CMSS1: variants seen among roughly 807,000 people sequenced by gnomAD.
CMSS1 encodes the protein cms1 ribosomal small subunit homolog.
A neutral mutation model predicts 43.5 loss-of-function variants in CMSS1; 33 were observed. The ratio of observed to expected loss-of-function variants is 0.76; its 90% confidence interval spans 0.57 to 1.01. The LOEUF (loss-of-function observed/expected upper bound fraction) is 1.01, where lower values mean the gene tolerates loss of function less well. Ranked by LOEUF, CMSS1 falls within the 50% of genes least tolerant of loss-of-function variation. The pLI, the probability that CMSS1 is intolerant of heterozygous loss-of-function variation, is 0.00. For synonymous variants in CMSS1, 115 were observed against 117.2 expected (o/e 0.98, Z 0.12); for missense variants, 313 against 326.4 (o/e 0.96, Z 0.32).
chr3:99,968,945 A>G (rs1708733669), intron 1 of CMSS1, among the ~76,000 whole-genome samples: 1 of 143,274 alleles, frequency 7.0e-6, no homozygotes. Flanking sequence ...TCTGGGGTGC[A>G]ACCCAGGTTC....
chr3:99,883,967 G>A (rs1192229573), intron 1 of CMSS1, among the ~76,000 whole-genome samples: 2 of 152,106 alleles, frequency 1.3e-5, no homozygotes, highest in Non-Finnish European at 2.9e-5. Context: ...AGTAAGATTT[G>A]GATTTAGGGG....
intron 2 of CMSS1, among the ~76,000 whole-genome samples, chr3:100,148,823 T>G (rs961961273): frequency 6.6e-6 from 1 of 152,224 alleles, no homozygotes; most frequent in South Asian, 2.1e-4. Context: ...AAGGTATACA[T>G]GTTTAATATA....
chr3:100,177,368 G>A (rs1449441088), intron 9 of CMSS1, among the ~76,000 whole-genome samples: 3 of 152,108 alleles, frequency 2.0e-5, no homozygotes, highest in Admixed American at 1.3e-4. Context: ...TTTGATATCA[G>A]GCATGAGGCC....
At chr3:99,887,719 C>T (rs1313346510) in intron 1 of CMSS1, among the ~76,000 whole-genome samples, 1 of 152,122 alleles carries the variant, frequency 6.6e-6, no homozygotes, top group East Asian at 1.9e-4. Context: ...CCCAGATATA[C>T]ATATAATATA....
intron 1 of CMSS1, among the ~76,000 whole-genome samples, chr3:100,047,218 C>T (rs1457533941): frequency 1.3e-5 from 2 of 152,054 alleles, no homozygotes; most frequent in African/African-American, 4.8e-5. Flanking sequence ...TAAAAACTAT[C>T]GGAGGGAAGT....
intron 1 of CMSS1, among the ~76,000 whole-genome samples, chr3:99,905,648 A>G (rs1049377465): frequency 2.6e-5 from 4 of 152,224 alleles, no homozygotes; most frequent in African/African-American, 9.6e-5. Context: ...AGATTAAGTT[A>G]TAGAATATTT....
chr3:100,008,139 T>C (rs1345845570), intron 1 of CMSS1, among the ~76,000 whole-genome samples: 1 of 152,160 alleles, frequency 6.6e-6, no homozygotes, highest in East Asian at 1.9e-4. Flanking sequence ...AGACATTCTC[T>C]TTTCTCACAT....
chr3:99,838,774 TAAAGTTGTC>T (rs1943002455), intron 1 of CMSS1, among the ~76,000 whole-genome samples: 2 of 152,210 alleles, frequency 1.3e-5, no homozygotes, highest in Non-Finnish European at 2.9e-5. Flanking sequence ...TACTTATCCC[TAAAGTTGTC>T]ATAATACCCA....
At chr3:99,971,972 C>G (rs1243273678) in intron 1 of CMSS1, among the ~76,000 whole-genome samples, 2 of 152,110 alleles carry the variant, frequency 1.3e-5, no homozygotes. Context: ...ATGGATTAGT[C>G]ATAAAATTAG....
intron 1 of CMSS1, among the ~76,000 whole-genome samples, chr3:100,043,431 G>C (rs952190361): frequency 1.3e-5 from 2 of 152,030 alleles, no homozygotes; most frequent in African/African-American, 2.4e-5. Flanking sequence ...AGTCTCTAAG[G>C]TCTCTTTTCC....
intron 1 of CMSS1, 78 bp from the exon 2 acceptor site, chr3:100,146,895 T>G: frequency 6.5e-7 from 1 of 1,527,616 alleles, no homozygotes; most frequent in Non-Finnish European, 8.8e-7. Context: ...GATAGAACCT[T>G]CTAGAAAGAT....
chr3:100,065,604 A>G (rs1252475347), intron 1 of CMSS1, among the ~76,000 whole-genome samples: 1 of 152,154 alleles, frequency 6.6e-6, no homozygotes, highest in African/African-American at 2.4e-5. Flanking sequence ...CCTAATGAAA[A>G]AAGTATTCAC....
chr3:100,143,313 A>G (rs2066819509), intron 1 of CMSS1, among the ~76,000 whole-genome samples: 1 of 152,242 alleles, frequency 6.6e-6, no homozygotes, highest in African/African-American at 2.4e-5. Flanking sequence ...ACTGTGTCAA[A>G]TAAGACTGGT....
intron 1 of CMSS1, chr3:99,925,685 C>T (rs1707270354): frequency 1.2e-5 from 2 of 169,570 alleles, no homozygotes; most frequent in African/African-American, 2.4e-5. Context: ...GGACAGGACT[C>T]CATAGCCTAG....
intron 1 of CMSS1, among the ~76,000 whole-genome samples, chr3:99,851,463 T>G (rs1576512510): frequency 6.6e-6 from 1 of 152,238 alleles, no homozygotes. Context: ...CTAATTGATC[T>G]GGGCAGTTAT....
chr3:99,869,957 A>G (rs1437755754), intron 1 of CMSS1, among the ~76,000 whole-genome samples: 4 of 152,138 alleles, frequency 2.6e-5, no homozygotes, highest in Non-Finnish European at 5.9e-5. Context: ...CACAGGCCCA[A>G]GTGCTACAGC....
intron 1 of CMSS1, among the ~76,000 whole-genome samples, chr3:99,986,924 G>A (rs1709358247): frequency 6.6e-6 from 1 of 152,174 alleles, no homozygotes; most frequent in Non-Finnish European, 1.5e-5. Context: ...AACATATTAG[G>A]AGAGTATACA....
chr3:99,869,923 T>G (rs1376723217), intron 1 of CMSS1, among the ~76,000 whole-genome samples: 1 of 152,232 alleles, frequency 6.6e-6, no homozygotes, highest in Non-Finnish European at 1.5e-5. Context: ...TGAGGCTGCT[T>G]TAGATACAGT....
At chr3:99,843,987 C>T (rs1400856377) in intron 1 of CMSS1, among the ~76,000 whole-genome samples, 1 of 147,244 alleles carries the variant, frequency 6.8e-6, no homozygotes, top group East Asian at 2.0e-4. Context: ...CTGAAACCAT[C>T]CCCCCAACCC....
Sources: allele counts gnomAD v4.1 joint callset (sites outside exome capture counted in the v4.1 genomes callset), GRCh38; gene constraint gnomAD v4.1.1; transcripts MANE v1.5; gene names NCBI Gene and HGNC (gene_info 2026-07-23, HGNC 2026-07-21).